The following ENPP6 variants were observed in gnomAD, a reference collection of about 807,000 sequenced individuals.
ENPP6 encodes the protein ectonucleotide pyrophosphatase/phosphodiesterase 6.
Under a neutral mutation model 42.0 loss-of-function variants are expected in ENPP6, and 32 were observed. That is an observed-to-expected ratio of 0.76 (90% CI 0.58 to 1.02). The LOEUF is 1.02. ENPP6 is among the 50% of genes least tolerant of loss of function. The probability of loss-of-function intolerance (pLI) is 0.00; values close to 1 mark genes in which losing one functional copy is unlikely to be tolerated. For missense variants in ENPP6, 552 were observed against 566.8 expected (o/e 0.97, Z 0.27); for synonymous variants, 213 against 216.0 (o/e 0.99, Z 0.12).
At chr4:184,148,250 C>T (rs889557849) in intron 2 of ENPP6, among the ~76,000 whole-genome samples, 1 of 152,090 alleles carries the variant, frequency 6.6e-6, no homozygotes, top group African/African-American at 2.4e-5. Context: ...TTGAGTCACA[C>T]CCTTTAAAGA....
chr4:184,140,127 CAT>C (rs1736795904), intron 2 of ENPP6, among the ~76,000 whole-genome samples: 1 of 151,514 alleles, frequency 6.6e-6, no homozygotes, highest in Non-Finnish European at 1.5e-5. Flanking sequence ...AGCATTTTTT[CAT>C]GTGTTTTTTG....
At chr4:184,204,848 T>C (rs557323768) in intron 1 of ENPP6, among the ~76,000 whole-genome samples, 1 of 152,336 alleles carries the variant, frequency 6.6e-6, no homozygotes, top group East Asian at 1.9e-4. Flanking sequence ...TCCTTATTAG[T>C]TTAGAAGTGT....
chr4:184,122,627 C>T (rs1367038918), intron 3 of ENPP6, among the ~76,000 whole-genome samples: 1 of 152,220 alleles, frequency 6.6e-6, no homozygotes, highest in Non-Finnish European at 1.5e-5. Context: ...ACCTGGGATT[C>T]TCATGGCTGT....
At chr4:184,113,114 C>A (rs1405014415) in intron 5 of ENPP6, among the ~76,000 whole-genome samples, 1 of 152,154 alleles carries the variant, frequency 6.6e-6, no homozygotes. Flanking sequence ...CAAACTGGAA[C>A]AGCCCAAATG....
intron 2 of ENPP6, among the ~76,000 whole-genome samples, chr4:184,137,939 C>T (rs1736756974): frequency 6.6e-6 from 1 of 152,196 alleles, no homozygotes; most frequent in African/African-American, 2.4e-5. Context: ...CACATGCACA[C>T]ATGCATGCAG....
chr4:184,127,604 A>C (rs916487161), intron 2 of ENPP6, among the ~76,000 whole-genome samples: 10 of 152,182 alleles, frequency 6.6e-5, no homozygotes, highest in Non-Finnish European at 1.5e-4. Context: ...CCAAAAATAT[A>C]AAACTAGCCA....
intron 2 of ENPP6, among the ~76,000 whole-genome samples, chr4:184,147,100 A>C (rs1736940415): frequency 6.6e-6 from 1 of 152,058 alleles, no homozygotes; most frequent in Non-Finnish European, 1.5e-5. Flanking sequence ...CTGCCTTCAG[A>C]CTGCTTCTCT....
chr4:184,145,230 G>A (rs1415486032), intron 2 of ENPP6, among the ~76,000 whole-genome samples: 1 of 152,194 alleles, frequency 6.6e-6, no homozygotes, highest in Admixed American at 6.5e-5. Flanking sequence ...AGTCCTTCCC[G>A]AGTCCCTTCA....
chr4:184,109,232 AC>A (rs759334227), intron 6 of ENPP6, among the ~76,000 whole-genome samples: 17,630 of 142,774 alleles, frequency 0.12, 1,352 homozygotes, highest in East Asian at 0.26. Flanking sequence ...AACAACAACA[AC>A]AAAAAAAAAC....
At chr4:184,125,645 G>A (rs191862234) in intron 2 of ENPP6, among the ~76,000 whole-genome samples, 30 of 152,214 alleles carry the variant, frequency 2.0e-4, no homozygotes, top group African/African-American at 7.0e-4. Flanking sequence ...CAAGACCTGG[G>A]TGTGTCATGA....
chr4:184,126,647 A>G (rs1458298850), intron 2 of ENPP6, among the ~76,000 whole-genome samples: 1 of 152,214 alleles, frequency 6.6e-6, no homozygotes. Flanking sequence ...ACAATGCTGG[A>G]GAGAAAAAGA....
chr4:184,098,564 C>T (rs1274643000), intron 6 of ENPP6, among the ~76,000 whole-genome samples: 1 of 152,192 alleles, frequency 6.6e-6, no homozygotes, highest in Non-Finnish European at 1.5e-5. Flanking sequence ...AAGATGGCAC[C>T]TTTGCTCCCC....
intron 1 of ENPP6, among the ~76,000 whole-genome samples, chr4:184,216,079 C>A (rs2111128764): frequency 6.6e-6 from 1 of 152,292 alleles, no homozygotes; most frequent in South Asian, 2.1e-4. Flanking sequence ...CGTGGCGTGG[C>A]AGTTTATGAA....
At chr4:184,162,555 GGAAAGAA>G (rs780415107) in intron 1 of ENPP6, among the ~76,000 whole-genome samples, 39 of 50,636 alleles carry the variant, frequency 7.7e-4, no homozygotes, top group Non-Finnish European at 2.1e-3. Flanking sequence ...GAAGAAGGAA[GGAAAGAA>G]GGAAGGAAGG....
intron 6 of ENPP6, among the ~76,000 whole-genome samples, chr4:184,110,138 T>G (rs1178531757): frequency 1.3e-5 from 2 of 152,196 alleles, no homozygotes; most frequent in African/African-American, 4.8e-5. Context: ...GTCAGAATGG[T>G]GCAGAGGCTG....
chr4:184,146,243 C>G (rs1490937501), intron 2 of ENPP6, among the ~76,000 whole-genome samples: 1 of 151,550 alleles, frequency 6.6e-6, no homozygotes, highest in Non-Finnish European at 1.5e-5. Flanking sequence ...CCAGCCTGGC[C>G]AAGATGGTGA....
At chr4:184,177,575 A>G (rs1732453563) in intron 1 of ENPP6, among the ~76,000 whole-genome samples, 1 of 152,168 alleles carries the variant, frequency 6.6e-6, no homozygotes, top group Non-Finnish European at 1.5e-5. Context: ...AGACCTCCCA[A>G]CAGGGGTCAC....
At position 184,091,057 on chromosome 4, in the gene ENPP6, A is replaced by T; in HGVS notation, c.*120T>A. ...AATTATCCAAGAATAATGTATTTAC[A>T]ATGTGCATGGTCTTGATTGTGTTAA... is the stretch of plus-strand genomic sequence containing the variant. On this transcript the variant is annotated 3_prime_UTR_variant, in exon 8 of 8. Transcript: ENST00000296741. 1 of 868,982 alleles carries T rather than the reference A, an allele frequency of 1.2e-6. No homozygotes were observed. Among genetic ancestry groups the T allele is most frequent in the South Asian group, 2.6e-5 (1 of 38,988 alleles). The allele number at this position is 868,982 out of a possible 1,614,324, so 53.8% of individuals were successfully genotyped here. A position where few individuals can be genotyped will look rare whatever the true frequency, so the allele number is the denominator to read the frequency against.
At chr4:184,143,159 C>T (rs1579632510) in intron 2 of ENPP6, among the ~76,000 whole-genome samples, 1 of 152,252 alleles carries the variant, frequency 6.6e-6, no homozygotes, top group South Asian at 2.1e-4. Context: ...GCAGACTGAA[C>T]CTACCTGGCA....
Sources: gnomAD v4.1 joint callset for allele counts (sites outside exome capture counted in the v4.1 genomes callset) on GRCh38, gnomAD v4.1.1 for gene constraint, MANE v1.5 for transcripts, NCBI Gene and HGNC (gene_info 2026-07-23, HGNC 2026-07-21) for gene names.